The following DIP2A variants were observed in gnomAD, a reference collection of about 807,000 sequenced individuals.
The protein encoded by DIP2A is disco-interacting protein 2 homolog A.
A neutral mutation model predicts 177.4 loss-of-function variants in DIP2A; 85 were observed. The ratio of observed to expected loss-of-function variants is 0.48; its 90% CI spans 0.40 to 0.57. The LOEUF (loss-of-function observed/expected upper bound fraction) is 0.57, where lower values mean the gene tolerates loss of function less well. Among genes scored for constraint, DIP2A ranks in the 20% least tolerant of loss-of-function variants. The probability of loss-of-function intolerance (pLI) is 0.00; values close to 1 mark genes in which losing one functional copy is unlikely to be tolerated. For missense variants in DIP2A, 1,791 were observed against 2,100.2 expected, an observed-to-expected ratio of 0.85 and a Z score of 2.88; for synonymous variants, 886 against 881.8, an observed-to-expected ratio of 1.00 and a Z score of -0.08.
rs182386908 is a variant in DIP2A, at chr21:46,472,103, G to A, written c.92-12654G>A. On this transcript the variant is annotated intron_variant, in intron 1 of 37. Coordinates refer to ENST00000417564, the MANE Select transcript of DIP2A (RefSeq NM_015151.4). Reference sequence around the variant, plus strand: ...CTTAAGGAGATATTTAAGATCAAATGAGGTCAAGGGGGTGGGCCCTCATCC... The same window carrying A: ...CTTAAGGAGATATTTAAGATCAAATAAGGTCAAGGGGGTGGGCCCTCATCC... Among the ~76,000 whole-genome samples, 13 of 152,324 alleles carry A rather than the reference G, an allele frequency of 8.5e-5. No individual in the cohort carries two copies. The East Asian group carries it at 2.5e-3, about 29-fold the overall frequency.
intron 10 of DIP2A, 84 bp from the exon 11 acceptor site, chr21:46,533,440 C>A: frequency 6.7e-7 from 1 of 1,492,676 alleles, no homozygotes; most frequent in South Asian, 1.3e-5. Context: ...GATCTGTTCT[C>A]TGTGCATGGC....
At chr21:46,565,612 G>C (rs1000036356) in intron 35 of DIP2A, 101 bp from the exon 36 acceptor site, 1 of 1,238,802 alleles carries the variant, frequency 8.1e-7, no homozygotes, top group Non-Finnish European at 1.1e-6. Context: ...ACTTCGTTCA[G>C]TGTTTTCTGG....
At chr21:46,545,032 A>T in intron 18 of DIP2A, 105 bp from the exon 19 acceptor site, 1 of 1,173,186 alleles carries the variant, frequency 8.5e-7, no homozygotes, top group Non-Finnish European at 1.2e-6. Flanking sequence ...TGCTGTGTAT[A>T]TAACATCCTG....
Position 46,557,411 on chromosome 21 carries a change from A to G in DIP2A, c.3630-174A>G. On this transcript the variant is annotated intron_variant, in intron 30 of 37. Coordinates refer to ENST00000417564, the MANE Select transcript of DIP2A (RefSeq NM_015151.4). This position sits in a 1 kb window ranked among gnomAD's most constrained non-coding sequence, Gnocchi z 6.0. ...CAGAGCTCAGAACCCCGTGCCTGCC[A>G]TCCCCCAACCTTCACCCTGTGGCAT... The G allele has an allele frequency of 2.4e-6, 2 of 822,304 alleles. No homozygotes were observed. The highest frequency in any genetic ancestry group is 5.7e-5 in the Admixed American group (2 of 34,982). 50.9% of individuals were successfully genotyped at this position (822,304 alleles called of 1,614,324 possible).
chr21:46,488,229 T>C (rs1051894921), intron 2 of DIP2A, among the ~76,000 whole-genome samples: 2 of 152,166 alleles, frequency 1.3e-5, no homozygotes, highest in Admixed American at 1.3e-4. Flanking sequence ...CTCCCCACCA[T>C]TAGTGAACAT....
chr21:46,531,269 C>T (rs1307375322), intron 9 of DIP2A, among the ~76,000 whole-genome samples: 1 of 152,088 alleles, frequency 6.6e-6, no homozygotes, highest in Non-Finnish European at 1.5e-5. Context: ...ACTCACGGCT[C>T]TCCTGAGTGG....
chr21:46,499,788 T>C (rs1217621661), intron 5 of DIP2A, among the ~76,000 whole-genome samples: 2 of 152,256 alleles, frequency 1.3e-5, no homozygotes, highest in Non-Finnish European at 2.9e-5. Context: ...AGACTCATCT[T>C]AATCCCCTCC....
At chr21:46,535,935 C>T (rs1193698513) in intron 13 of DIP2A, among the ~76,000 whole-genome samples, 1 of 152,086 alleles carries the variant, frequency 6.6e-6, no homozygotes, top group African/African-American at 2.4e-5. Context: ...AACATGGTGA[C>T]CTTCTAGGAG....
downstream of DIP2A, among the ~76,000 whole-genome samples, chr21:46,573,782 A>T (rs553687219): frequency 1.3e-4 from 20 of 152,132 alleles, no homozygotes; most frequent in African/African-American, 4.8e-4. Flanking sequence ...CATTAATAAA[A>T]GATTCAATTC....
intron 5 of DIP2A, 161 bp from the exon 6 acceptor site, chr21:46,504,200 T>C (rs1182522067): frequency 1.1e-6 from 1 of 932,588 alleles, no homozygotes; most frequent in Non-Finnish European, 1.6e-6. Context: ...AGGGTCCCAG[T>C]ATGCCTTTGG....
rs146605910 is a variant in DIP2A, at chr21:46,563,160, G to C, written c.4090-698G>C. ...TGGGGAAACAGAACAGTCCCACTCCGCCGGGGAGGGTCTGGCGGTAACCGT... is the reference window on the plus strand; with the variant it reads ...TGGGGAAACAGAACAGTCCCACTCCCCCGGGGAGGGTCTGGCGGTAACCGT... On this transcript the variant is annotated intron_variant, in intron 34 of 37. Coordinates refer to ENST00000417564, the MANE Select transcript of DIP2A (RefSeq NM_015151.4). This position sits in a 1 kb window ranked among gnomAD's most constrained non-coding sequence, Gnocchi z 4.3. 6.6e-5 allele frequency among the ~76,000 whole-genome samples: 10 copies of C among 152,254 alleles called. No homozygotes were observed. Among genetic ancestry groups the C allele is most frequent in the Middle Eastern group, 3.4e-3 (1 of 294 alleles).
chr21:46,467,820 A>T (rs2054973699), intron 1 of DIP2A, among the ~76,000 whole-genome samples: 4 of 152,074 alleles, frequency 2.6e-5, no homozygotes, highest in Admixed American at 2.6e-4. Context: ...TTCTTTAAAA[A>T]TATCAATGCC....
Position 46,561,001 on chromosome 21 carries a change from G to C in DIP2A, c.4031+218G>C, listed in dbSNP as rs1275302443. 4.1e-6 allele frequency: 4 copies of C among 985,308 alleles called. No individual in the cohort carries two copies. The East Asian group carries it at 4.5e-4, about 112-fold the overall frequency. The allele number at this position is 985,308 out of a possible 1,614,324, so 61.0% of individuals were successfully genotyped here. ...AGGAGAGCTGTGTGCCCCACTCCGGGCGTGCCTCCCAGGGGAGCTCAGTGT... is the reference window on the plus strand; with the variant it reads ...AGGAGAGCTGTGTGCCCCACTCCGGCCGTGCCTCCCAGGGGAGCTCAGTGT... On this transcript the variant is annotated intron_variant, in intron 33 of 37. Transcript: ENST00000417564.
chr21:46,561,145 G>T (rs577492555), intron 33 of DIP2A: 2 of 616,428 alleles, frequency 3.2e-6, no homozygotes, highest in Non-Finnish European at 4.5e-6. Flanking sequence ...CAGGGACAGA[G>T]AGAAGACAAG....
At position 46,551,677 on chromosome 21, in the gene DIP2A, G is replaced by A. The variant is rs760745905; in HGVS notation, c.2883G>A (p.Gly961=). ...TGATCGTGGGGAACCTGGTTGCTGGGAAGAGAATCGCTCAGGCTTCCGGGA... is the reference window on the plus strand; with the variant it reads ...TGATCGTGGGGAACCTGGTTGCTGGAAAGAGAATCGCTCAGGCTTCCGGGA... ...ASMIVGNLVA[G]KRIAQASGRE... Residue 961 remains glycine, a synonymous_variant, in exon 24 of 38, where the codon GGG becomes GGA. Coordinates refer to ENST00000417564, the MANE Select transcript of DIP2A (RefSeq NM_015151.4). 3.7e-6 allele frequency: 6 copies of A among 1,614,028 alleles called. No homozygotes were observed. The highest frequency in any genetic ancestry group is 5.1e-6 in the Non-Finnish European group (6 of 1,179,896).
chr21:46,534,135 G>A lies in DIP2A; in HGVS notation c.1539+22G>A, dbSNP rs773021624. ...TGAGGTAATGACTGTTCCTAACTTAGAGAATGTAAAAACATGTCCCACAGG... is the reference window on the plus strand; with the variant it reads ...TGAGGTAATGACTGTTCCTAACTTAAAGAATGTAAAAACATGTCCCACAGG... On this transcript the variant is annotated intron_variant, in intron 12 of 37. Coordinates refer to ENST00000417564, the MANE Select transcript of DIP2A (RefSeq NM_015151.4). 6 of 1,574,986 alleles carry A rather than the reference G, an allele frequency of 3.8e-6. No individual in the cohort carries two copies. In the East Asian group the frequency reaches 6.8e-5, roughly 18 times the overall value.
intron 13 of DIP2A, among the ~76,000 whole-genome samples, chr21:46,535,347 A>C (rs2059523057): frequency 6.6e-6 from 1 of 152,244 alleles, no homozygotes; most frequent in Non-Finnish European, 1.5e-5. Context: ...AAATGGACTC[A>C]GTAGTTTTCT....
At chr21:46,559,252 C>G (rs978779234) in intron 32 of DIP2A, 1 of 152,174 alleles carries the variant, frequency 6.6e-6, no homozygotes, top group Non-Finnish European at 1.5e-5. Context: ...CTAAAAACAT[C>G]TTAAAACCAA....
chr21:46,545,373 G>C lies in DIP2A; in HGVS notation c.2313+100G>C, dbSNP rs2059987372. On this transcript the variant is annotated intron_variant, in intron 19 of 37. Transcript: ENST00000417564. ...GCTGGGGGATTGCAGAGGCTGCGGG[G>C]ATGGTCTCCTTCCACACAGGCGCTG... 3.6e-6 allele frequency: 5 copies of C among 1,403,894 alleles called. No homozygotes were observed. In the South Asian group the frequency reaches 4.2e-5, roughly 12 times the overall value. 87.0% of individuals were successfully genotyped at this position (1,403,894 alleles called of 1,614,324 possible).
Sources: allele counts gnomAD v4.1 joint callset (sites outside exome capture counted in the v4.1 genomes callset), GRCh38; gene constraint gnomAD v4.1.1; non-coding constraint Gnocchi (gnomAD v3.1); transcripts MANE v1.5; gene names NCBI Gene and HGNC (gene_info 2026-07-23, HGNC 2026-07-21).